The following VPS53 variants were observed in gnomAD, a reference collection of about 807,000 sequenced individuals.
VPS53 encodes VPS53 subunit of GARP complex.
A neutral mutation model predicts 107.0 loss-of-function variants in VPS53; 70 were observed. The ratio of observed to expected loss-of-function variants is 0.65; its 90% CI spans 0.54 to 0.80. The LOEUF is 0.80. VPS53 is among the 30% of genes least tolerant of loss of function. The pLI, the probability that VPS53 is intolerant of heterozygous loss-of-function variation, is 0.00. For missense variants in VPS53, 917 were observed against 1,049.4 expected (o/e 0.87, Z 1.74); for synonymous variants, 409 against 393.3 (o/e 1.04, Z -0.47).
intron 4 of VPS53, among the ~76,000 whole-genome samples, chr17:663,441 T>G (rs1971554954): frequency 6.6e-6 from 1 of 151,470 alleles, no homozygotes; most frequent in African/African-American, 2.4e-5. Context: ...TACCCACAGC[T>G]AAAGTACCTG....
intron 12 of VPS53, among the ~76,000 whole-genome samples, chr17:589,913 G>C (rs917180598): frequency 2.6e-5 from 4 of 152,012 alleles, no homozygotes; most frequent in African/African-American, 9.7e-5. Context: ...ATTCTGTGAA[G>C]AAAGTCATTG....
chr17:612,155 C>G (rs1477582168), intron 11 of VPS53, among the ~76,000 whole-genome samples: 1 of 151,304 alleles, frequency 6.6e-6, no homozygotes, highest in Non-Finnish European at 1.5e-5. Flanking sequence ...ACAGTGAAAA[C>G]CTGTACAAAT....
intron 17 of VPS53, among the ~76,000 whole-genome samples, chr17:542,313 A>C (rs1910760601): frequency 6.6e-6 from 1 of 152,242 alleles, no homozygotes; most frequent in Admixed American, 6.5e-5. Context: ...AGTTAGCAGG[A>C]AAGGTCATTA....
intron 4 of VPS53, among the ~76,000 whole-genome samples, chr17:665,778 G>A (rs1392839860): frequency 6.6e-6 from 1 of 152,214 alleles, no homozygotes; most frequent in Admixed American, 6.5e-5. Flanking sequence ...CCTGAGGCGG[G>A]CGGATCGCCT....
chr17:602,108 G>A (rs1041869862), intron 11 of VPS53, among the ~76,000 whole-genome samples: 3 of 152,088 alleles, frequency 2.0e-5, no homozygotes, highest in South Asian at 2.1e-4. Flanking sequence ...GCCCCAACTC[G>A]AATCTGGCTA....
intron 4 of VPS53, chr17:674,794 A>C (rs1972091079): frequency 6.6e-6 from 1 of 152,242 alleles, no homozygotes; most frequent in South Asian, 2.1e-4. Context: ...AGTATGCAGC[A>C]TACTGCGAAT....
chr17:631,469 A>C, intron 8 of VPS53, 81 bp downstream of exon 8: 2 of 1,436,898 alleles, frequency 1.4e-6, no homozygotes, highest in Non-Finnish European at 2.0e-6. Context: ...CTGGAATGAT[A>C]ACCACATGGT....
At chr17:551,454 G>A (rs543635694) in intron 17 of VPS53, among the ~76,000 whole-genome samples, 2 of 152,274 alleles carry the variant, frequency 1.3e-5, no homozygotes, top group South Asian at 4.2e-4. Context: ...TGTGGTCTCA[G>A]CTACTTGGGA....
chr17:517,734 T>C lies in VPS53; in HGVS notation c.*1394A>G, dbSNP rs1414696942. 4 of 237,230 alleles carry C rather than the reference T, an allele frequency of 1.7e-5. No homozygotes were observed. The East Asian group carries it at 2.3e-4, about 14-fold the overall frequency. The allele number at this position is 237,230 out of a possible 1,614,324, so 14.7% of individuals were successfully genotyped here. ...CAGGGTTTCGCCATGTTGGGCAGGC[T>C]GGTCTCGAATTCCTGACCTCAGGTG... On this transcript the variant is annotated 3_prime_UTR_variant, in exon 22 of 22. Coordinates refer to ENST00000437048, the MANE Select transcript of VPS53 (RefSeq NM_001128159.3).
intron 4 of VPS53, among the ~76,000 whole-genome samples, chr17:690,467 T>C (rs1972739340): frequency 6.6e-6 from 1 of 152,250 alleles, no homozygotes; most frequent in African/African-American, 2.4e-5. Flanking sequence ...CTGATAGATC[T>C]GGCAATTCCA....
chr17:543,568 C>G (rs1567611280), intron 17 of VPS53, among the ~76,000 whole-genome samples: 1 of 151,788 alleles, frequency 6.6e-6, no homozygotes, highest in Non-Finnish European at 1.5e-5. Context: ...CCAACAGCCC[C>G]TGCTAGGGAG....
At chr17:521,469 C>T in intron 20 of VPS53, 132 bp downstream of exon 20, 1 of 1,076,214 alleles carries the variant, frequency 9.3e-7, no homozygotes, top group Non-Finnish European at 1.2e-6. Flanking sequence ...GGCCAAAATC[C>T]AGTCCAGCCC....
At chr17:652,138 G>C (rs1160032831) in intron 7 of VPS53, among the ~76,000 whole-genome samples, 1 of 152,052 alleles carries the variant, frequency 6.6e-6, no homozygotes. Context: ...GGGATTACAG[G>C]CACCTGCCAC....
chr17:589,770 G>C (rs1314516021), intron 12 of VPS53, among the ~76,000 whole-genome samples: 1 of 152,090 alleles, frequency 6.6e-6, no homozygotes, highest in East Asian at 1.9e-4. Context: ...TGCTGTTTTG[G>C]TTACTGTAGC....
chr17:654,751 A>G lies in VPS53; in HGVS notation c.488+1087T>C, dbSNP rs189612198. 6.1e-4 allele frequency among the ~76,000 whole-genome samples: 90 copies of G among 148,086 alleles called. 2 individuals carry two copies. Among genetic ancestry groups the G allele is most frequent in the Non-Finnish European group, 7.4e-4 (50 of 67,134 alleles). On this transcript the variant is annotated intron_variant, in intron 6 of 21. Coordinates refer to ENST00000437048, the MANE Select transcript of VPS53 (RefSeq NM_001128159.3). ...GACTCCAACTCAAAAAAAAAAAAAA[A>G]AAAGAAAAAAGAAAAAGACAGGATC...
chr17:604,853 C>A (rs897694919), intron 11 of VPS53, among the ~76,000 whole-genome samples: 7 of 152,164 alleles, frequency 4.6e-5, no homozygotes, highest in Non-Finnish European at 8.8e-5. Context: ...TGATTCATTC[C>A]TTCCCTCATC....
At chr17:579,156 C>T (rs1022128086) in intron 13 of VPS53, among the ~76,000 whole-genome samples, 4 of 150,308 alleles carry the variant, frequency 2.7e-5, no homozygotes, top group African/African-American at 9.8e-5. Flanking sequence ...AGAGAACCTC[C>T]CTCAGAACCT....
At chr17:619,474 A>G (rs1969356043) in intron 11 of VPS53, among the ~76,000 whole-genome samples, 1 of 141,714 alleles carries the variant, frequency 7.1e-6, no homozygotes, top group Non-Finnish European at 1.5e-5. Flanking sequence ...GGCGTGCACC[A>G]CCACGCCTGC....
At chr17:692,738 C>G (rs906963948) in intron 4 of VPS53, among the ~76,000 whole-genome samples, 6 of 152,264 alleles carry the variant, frequency 3.9e-5, no homozygotes, top group African/African-American at 1.2e-4. Flanking sequence ...TGCGGTGGCT[C>G]ACGCCTGTCA....
Sources: allele counts gnomAD v4.1 joint callset (sites outside exome capture counted in the v4.1 genomes callset), GRCh38; gene constraint gnomAD v4.1.1; transcripts MANE v1.5; gene names NCBI Gene and HGNC (gene_info 2026-07-23, HGNC 2026-07-21).